The following TGFBR3 variants were observed in gnomAD, a reference collection of about 807,000 sequenced individuals.
The protein encoded by TGFBR3 is transforming growth factor beta receptor 3, also known as transforming growth factor beta receptor type 3.
Under a neutral mutation model 87.9 loss-of-function variants are expected in TGFBR3, and 46 were observed. The ratio of observed to expected loss-of-function variants is 0.52; its 90% confidence interval spans 0.41 to 0.67. The LOEUF is 0.67. Ranked by LOEUF, TGFBR3 falls within the 30% of genes least tolerant of loss-of-function variation. The pLI is 0.00. For missense variants in TGFBR3, 866 were observed against 1,041.9 expected, an observed-to-expected ratio of 0.83 and a Z score of 2.32; for synonymous variants, 381 against 391.6, an observed-to-expected ratio of 0.97 and a Z score of 0.32.
chr1:91,840,870 G>T (rs542536649), intron 2 of TGFBR3, among the ~76,000 whole-genome samples: 1 of 151,948 alleles, frequency 6.6e-6, no homozygotes, highest in East Asian at 1.9e-4. Context: ...GAGTGCAATG[G>T]CACCATCTCA....
In TGFBR3 at chr1:91,680,674, T is replaced by C. The variant is rs1052241666; in HGVS notation, c.*3065A>G. On this transcript the variant is annotated 3_prime_UTR_variant, in exon 17 of 17. Transcript: ENST00000212355. The stretch of plus-strand genomic sequence containing the variant: ...TAAAACAAACATGAAAAAAATCACA[T>C]AGGACTCACCCAACAAAATGTGCTC... 8 of 453,900 alleles carry C rather than the reference T, an allele frequency of 1.8e-5. No homozygotes were observed. Among genetic ancestry groups the C allele is most frequent in the East Asian group, 7.0e-5 (1 of 14,382 alleles). The allele number at this position is 453,900 out of a possible 1,614,324, so 28.1% of individuals were successfully genotyped here. A position where few individuals can be genotyped will look rare whatever the true frequency, so the allele number is the denominator to read the frequency against.
intron 2 of TGFBR3, among the ~76,000 whole-genome samples, chr1:91,895,510 G>A (rs887861712): frequency 6.6e-6 from 1 of 151,928 alleles, no homozygotes; most frequent in South Asian, 2.1e-4. Context: ...TTAGAGAGAT[G>A]GGGTCTCACT....
At position 91,727,701 on chromosome 1, in the gene TGFBR3, C is replaced by T; in HGVS notation, c.843G>A (p.Trp281Ter). 2 of 1,614,112 alleles carry T rather than the reference C, an allele frequency of 1.2e-6. No homozygotes were observed. Among genetic ancestry groups the T allele is most frequent in the Non-Finnish European group, 1.7e-6 (2 of 1,180,016 alleles). The stretch of plus-strand genomic sequence containing the variant: ...CCTTAACATCAAAAGATTTGATCAC[C>T]CAGTTGACAGACTTTTTGCACTTCA... ...LILKCKKSVN[W>*]VIKSFDVKGS... The change falls in exon 7 of 17, where the codon TGG becomes TGA. Residue 281 changes from tryptophan to a stop codon, truncating the protein, a stop_gained. Transcript: ENST00000212355. LOFTEE classifies it high-confidence loss of function.
At chr1:91,793,427 T>C (rs1675263401) in intron 3 of TGFBR3, among the ~76,000 whole-genome samples, 1 of 152,192 alleles carries the variant, frequency 6.6e-6, no homozygotes, top group African/African-American at 2.4e-5. Flanking sequence ...TCATAGTCAA[T>C]TACAGCTTGG....
At chr1:91,753,704 C>T (rs1470507534) in intron 4 of TGFBR3, among the ~76,000 whole-genome samples, 1 of 152,180 alleles carries the variant, frequency 6.6e-6, no homozygotes, top group African/African-American at 2.4e-5. Flanking sequence ...AATCATACAA[C>T]TTGTGACAAT....
At chr1:91,787,761 G>A (rs1228801695) in intron 3 of TGFBR3, among the ~76,000 whole-genome samples, 1 of 152,088 alleles carries the variant, frequency 6.6e-6, no homozygotes, top group Non-Finnish European at 1.5e-5. Context: ...GATCACTTGA[G>A]CTCAGGAGTT....
chr1:91,896,833 G>T (rs7530354), intron 2 of TGFBR3, among the ~76,000 whole-genome samples: 69,160 of 151,478 alleles, frequency 0.46, 16,079 homozygotes, highest in Non-Finnish European at 0.51. Context: ...AGTCTTAAAG[G>T]GTCTTTGACT....
chr1:91,839,706 G>C (rs993201939), intron 2 of TGFBR3, among the ~76,000 whole-genome samples: 23 of 152,290 alleles, frequency 1.5e-4, no homozygotes, highest in Middle Eastern at 3.4e-3. Context: ...CAAGGTCATT[G>C]AAAGACCAGG....
chr1:91,783,056 G>A (rs1365197552), intron 3 of TGFBR3: 1 of 152,222 alleles, frequency 6.6e-6, no homozygotes, highest in Non-Finnish European at 1.5e-5. Context: ...AGCCATAATG[G>A]GCACAAGGGG....
chr1:91,852,939 G>A (rs1339813266), intron 2 of TGFBR3, among the ~76,000 whole-genome samples: 1 of 151,964 alleles, frequency 6.6e-6, no homozygotes, highest in Non-Finnish European at 1.5e-5. Flanking sequence ...TGGACCACTT[G>A]AGCTCAAGAG....
At chr1:91,705,323 T>G (rs1671764803) in intron 14 of TGFBR3, among the ~76,000 whole-genome samples, 1 of 151,748 alleles carries the variant, frequency 6.6e-6, no homozygotes, top group South Asian at 2.1e-4. Context: ...TTCCCAGGTT[T>G]AGGCAATTCT....
chr1:91,830,922 C>T (rs896689258), intron 2 of TGFBR3, among the ~76,000 whole-genome samples: 1 of 152,124 alleles, frequency 6.6e-6, no homozygotes, highest in African/African-American at 2.4e-5. Flanking sequence ...TGGGAAACGG[C>T]TCTCACCACC....
intron 3 of TGFBR3, among the ~76,000 whole-genome samples, chr1:91,764,090 C>T (rs185138133): frequency 6.6e-6 from 1 of 151,540 alleles, no homozygotes; most frequent in Non-Finnish European, 1.5e-5. Flanking sequence ...CATTCCCCCC[C>T]ACACACACCC....
chr1:91,717,416 C>G (rs900054910), intron 10 of TGFBR3, among the ~76,000 whole-genome samples: 1 of 151,808 alleles, frequency 6.6e-6, no homozygotes, highest in Non-Finnish European at 1.5e-5. Flanking sequence ...TTTTTTCCAC[C>G]TTTTTCGCTA....
chr1:91,767,080 T>C (rs557265866), intron 3 of TGFBR3, among the ~76,000 whole-genome samples: 1 of 134,152 alleles, frequency 7.5e-6, no homozygotes, highest in Non-Finnish European at 1.6e-5. Flanking sequence ...GGTATCTCAG[T>C]GTATTGACTT....
intron 1 of TGFBR3, among the ~76,000 whole-genome samples, chr1:91,883,720 C>T (rs545667039): frequency 2.6e-5 from 4 of 151,148 alleles, no homozygotes; most frequent in Non-Finnish European, 5.9e-5. Flanking sequence ...TGCCGTGTAA[C>T]GGTCAGATTC....
chr1:91,730,505 T>C (rs963533553), intron 5 of TGFBR3, among the ~76,000 whole-genome samples: 13 of 152,198 alleles, frequency 8.5e-5, no homozygotes, highest in Non-Finnish European at 1.6e-4. Context: ...ACCTAGATCA[T>C]GACTCCTTTT....
intron 2 of TGFBR3, among the ~76,000 whole-genome samples, chr1:91,821,071 C>T (rs1190426739): frequency 6.6e-6 from 1 of 152,094 alleles, no homozygotes; most frequent in Non-Finnish European, 1.5e-5. Flanking sequence ...TGGCTCATGA[C>T]TGTAATCCCA....
At chr1:91,803,896 G>T (rs1004014213) in intron 2 of TGFBR3, among the ~76,000 whole-genome samples, 2 of 152,182 alleles carry the variant, frequency 1.3e-5, no homozygotes, top group Admixed American at 1.3e-4. Context: ...GTGATGAGAT[G>T]TACATAATTA....
Sources: gnomAD v4.1 joint callset for allele counts (sites outside exome capture counted in the v4.1 genomes callset) on GRCh38, gnomAD v4.1.1 for gene constraint, MANE v1.5 for transcripts, NCBI Gene and HGNC (gene_info 2026-07-23, HGNC 2026-07-21) for gene names.